GUCA1C: variants seen among roughly 807,000 people sequenced by gnomAD.
GUCA1C encodes the protein guanylate cyclase activator 1C.
GUCA1C carries 15 observed loss-of-function variants against 16.2 expected under a neutral mutation model. That is an observed-to-expected ratio of 0.93 (90% CI 0.62 to 1.43). The LOEUF (loss-of-function observed/expected upper bound fraction) is 1.43. GUCA1C is among the 40% of genes most tolerant of loss of function. GUCA1C has a pLI of 0.00. For missense variants in GUCA1C, 275 were observed against 244.8 expected (o/e 1.12, Z -0.82); for synonymous variants, 78 against 85.4 (o/e 0.91, Z 0.48).
At chr3:108,915,838 C>G (rs2107278287) in intron 3 of GUCA1C, 1 of 418,106 alleles carries the variant, frequency 2.4e-6, no homozygotes, top group South Asian at 9.3e-5. Context: ...TCAGAGCAAA[C>G]AGCAGAAGGT....
chr3:108,912,022 C>A (rs1946460462), intron 3 of GUCA1C, among the ~76,000 whole-genome samples: 1 of 151,344 alleles, frequency 6.6e-6, no homozygotes, highest in South Asian at 2.1e-4. Flanking sequence ...AGGAGAATCA[C>A]TTGAACCCGG....
intron 3 of GUCA1C, among the ~76,000 whole-genome samples, chr3:108,914,431 T>C (rs190317713): frequency 2.0e-5 from 3 of 152,350 alleles, no homozygotes; most frequent in Non-Finnish European, 4.4e-5. Flanking sequence ...CTCAAACTAA[T>C]AGAATCTTAG....
chr3:108,914,673 T>C (rs1946488446), intron 3 of GUCA1C, among the ~76,000 whole-genome samples: 1 of 152,172 alleles, frequency 6.6e-6, no homozygotes, highest in Non-Finnish European at 1.5e-5. Flanking sequence ...AAATGGATGA[T>C]TTACTCTACT....
intron 1 of GUCA1C, among the ~76,000 whole-genome samples, chr3:108,921,106 C>T (rs1465918375): frequency 6.6e-6 from 1 of 152,200 alleles, no homozygotes; most frequent in Non-Finnish European, 1.5e-5. Context: ...TCTTCCCTAA[C>T]TCCTGGCAAC....
At chr3:108,917,567 C>T (rs956749650) in intron 2 of GUCA1C, among the ~76,000 whole-genome samples, 4 of 151,872 alleles carry the variant, frequency 2.6e-5, no homozygotes, top group African/African-American at 9.7e-5. Context: ...TGAGTACTCC[C>T]TATGTGGGAG....
chr3:108,920,993 T>G (rs139127689), intron 1 of GUCA1C, among the ~76,000 whole-genome samples: 2 of 152,322 alleles, frequency 1.3e-5, no homozygotes, highest in African/African-American at 4.8e-5. Flanking sequence ...CTTTGTATTT[T>G]ACATTCTGCA....
chr3:108,946,672 T>C (rs781552703), intron 1 of GUCA1C, among the ~76,000 whole-genome samples: 1 of 152,104 alleles, frequency 6.6e-6, no homozygotes, highest in Non-Finnish European at 1.5e-5. Context: ...ATATGAAGAA[T>C]CAAAAGCAAG....
At chr3:108,933,862 T>C (rs1946694742) in intron 1 of GUCA1C, among the ~76,000 whole-genome samples, 1 of 152,146 alleles carries the variant, frequency 6.6e-6, no homozygotes, top group South Asian at 2.1e-4. Flanking sequence ...ATCATTATAC[T>C]ATAAAGACAC....
intron 1 of GUCA1C, among the ~76,000 whole-genome samples, chr3:108,938,527 C>G (rs1477687115): frequency 6.6e-6 from 1 of 152,190 alleles, no homozygotes; most frequent in Non-Finnish European, 1.5e-5. Flanking sequence ...AAGGTCCTTT[C>G]AGATTAAATA....
intron 2 of GUCA1C, 56 bp from the exon 3 acceptor site, chr3:108,916,270 G>A: frequency 6.4e-7 from 1 of 1,562,882 alleles, no homozygotes; most frequent in Non-Finnish European, 8.7e-7. Flanking sequence ...AATACATTTT[G>A]CAACATTTCT....
At chr3:108,914,841 T>C (rs1392421872) in intron 3 of GUCA1C, among the ~76,000 whole-genome samples, 1 of 152,242 alleles carries the variant, frequency 6.6e-6, no homozygotes, top group Non-Finnish European at 1.5e-5. Context: ...TCCATTTCTC[T>C]GGTCCTTTCC....
chr3:108,926,989 G>A (rs1160112487), intron 1 of GUCA1C, among the ~76,000 whole-genome samples: 2 of 152,092 alleles, frequency 1.3e-5, no homozygotes, highest in East Asian at 1.9e-4. Flanking sequence ...CATTTATGAA[G>A]CTCGGTTTCA....
intron 1 of GUCA1C, among the ~76,000 whole-genome samples, chr3:108,945,095 T>C (rs1373419246): frequency 1.3e-5 from 2 of 152,226 alleles, no homozygotes; most frequent in African/African-American, 4.8e-5. Flanking sequence ...AGAGTGCAGG[T>C]GCATTCCCAG....
At chr3:108,936,536 C>T (rs1036882226) in intron 1 of GUCA1C, among the ~76,000 whole-genome samples, 51 of 152,084 alleles carry the variant, frequency 3.4e-4, no homozygotes, top group African/African-American at 1.2e-3. Flanking sequence ...AGGATTTAAA[C>T]CCAGTCAGCC....
intron 3 of GUCA1C, among the ~76,000 whole-genome samples, chr3:108,912,965 T>C (rs1946471927): frequency 6.6e-6 from 1 of 152,120 alleles, no homozygotes; most frequent in Admixed American, 6.6e-5. Context: ...CCTGTACCTT[T>C]ATTTTGCTTA....
intron 3 of GUCA1C, among the ~76,000 whole-genome samples, chr3:108,909,409 G>A (rs1189884437): frequency 6.6e-6 from 1 of 152,174 alleles, no homozygotes; most frequent in Non-Finnish European, 1.5e-5. Context: ...GTATGTGTGT[G>A]GCAGGGGAGA....
At chr3:108,928,445 T>C (rs1946641647) in intron 1 of GUCA1C, among the ~76,000 whole-genome samples, 1 of 152,260 alleles carries the variant, frequency 6.6e-6, no homozygotes, top group Admixed American at 6.5e-5. Context: ...GTTTTTAATT[T>C]TGATAAACTC....
chr3:108,927,851 G>T (rs1193733341), intron 1 of GUCA1C, among the ~76,000 whole-genome samples: 1 of 152,140 alleles, frequency 6.6e-6, no homozygotes, highest in African/African-American at 2.4e-5. Context: ...GACTATAACA[G>T]AGGGAAGAAC....
chr3:108,937,707 A>T (rs908176401), intron 1 of GUCA1C, among the ~76,000 whole-genome samples: 1 of 152,256 alleles, frequency 6.6e-6, no homozygotes, highest in Admixed American at 6.5e-5. Flanking sequence ...CACAGTGTTA[A>T]CAAAGAGTTC....
Sources: allele counts gnomAD v4.1 joint callset (sites outside exome capture counted in the v4.1 genomes callset), GRCh38; gene constraint gnomAD v4.1.1; transcripts MANE v1.5; gene names NCBI Gene and HGNC (gene_info 2026-07-23, HGNC 2026-07-21).